Variants in ITPK1 observed in about 807,000 individuals in gnomAD.
The protein encoded by ITPK1 is inositol-tetrakisphosphate 1-kinase, also known as inositol 1,3,4-trisphosphate 5/6-kinase.
ITPK1 carries 21 observed loss-of-function variants against 45.3 expected under a neutral mutation model. That is an observed-to-expected ratio of 0.46 (90% CI 0.33 to 0.67). ITPK1 has a LOEUF of 0.67. Ranked by LOEUF, ITPK1 falls within the 30% of genes least tolerant of loss-of-function variation. The pLI is 0.02. For missense variants in ITPK1, 474 were observed against 573.5 expected, an observed-to-expected ratio of 0.83 and a Z score of 1.77; for synonymous variants, 258 against 253.6, an observed-to-expected ratio of 1.02 and a Z score of -0.16.
chr14:93,066,076 A>G (rs1223550592), intron 3 of ITPK1: 2 of 303,414 alleles, frequency 6.6e-6, no homozygotes, highest in African/African-American at 2.2e-5. Context: ...ACAAGTACAT[A>G]TTACTTAATG....
At chr14:93,025,500 C>A (rs967671024) in intron 3 of ITPK1, among the ~76,000 whole-genome samples, 1 of 152,118 alleles carries the variant, frequency 6.6e-6, no homozygotes, top group African/African-American at 2.4e-5. Flanking sequence ...TTAAATCCAC[C>A]GGGAGTTGTT....
intron 10 of ITPK1, among the ~76,000 whole-genome samples, chr14:92,943,368 G>C (rs1325446550): frequency 6.6e-6 from 1 of 152,214 alleles, no homozygotes; most frequent in East Asian, 1.9e-4. Flanking sequence ...GGCTCAAGGT[G>C]GCTCCTAAGA....
In ITPK1 at chr14:92,958,068, C is replaced by A. The variant is rs114735268; in HGVS notation, c.670+133G>T. ...TATCCACCGTACACAACTGTTTCCA[C>A]CTTTAGAGCACCTCTCCATCCCACC... is the stretch of plus-strand genomic sequence containing the variant. On this transcript the variant is annotated intron_variant, in intron 8 of 10. Transcript: ENST00000267615. The surrounding 1 kb of genome is among the most constrained non-coding windows in gnomAD (Gnocchi z 4.4). The A allele has an allele frequency of 2.1e-3, 1,714 of 822,518 alleles. 17 individuals carry two copies. The African/African-American group carries it at 0.025, about 12-fold the overall frequency. 51.0% of individuals were successfully genotyped at this position (822,518 alleles called of 1,614,324 possible). A position where few individuals can be genotyped will look rare whatever the true frequency, so the allele number is the denominator to read the frequency against.
chr14:93,088,781 G>C (rs1891754380), intron 2 of ITPK1, among the ~76,000 whole-genome samples: 2 of 152,146 alleles, frequency 1.3e-5, no homozygotes, highest in Admixed American at 1.3e-4. Flanking sequence ...ACAGATGTGA[G>C]CCACCGCGCC....
Position 93,036,181 on chromosome 14 carries a change from G to A in ITPK1, c.121-19380C>T, listed in dbSNP as rs556813916. Reference sequence around the variant, plus strand: ...CCCAAGGTCGGTAACTTCAAGAGCTGCGGGGAGCAGAGGCCACAACCGGAG... The same window carrying A: ...CCCAAGGTCGGTAACTTCAAGAGCTACGGGGAGCAGAGGCCACAACCGGAG... On this transcript the variant is annotated intron_variant, in intron 3 of 10. Transcript: ENST00000267615. This position sits in a 1 kb window ranked among gnomAD's most constrained non-coding sequence, Gnocchi z 4.1. 6.6e-6 allele frequency among the ~76,000 whole-genome samples: 1 copy of A among 152,128 alleles called. No homozygotes were observed. Among genetic ancestry groups the A allele is most frequent in the Non-Finnish European group, 1.5e-5 (1 of 68,020 alleles).
At chr14:93,115,354 AG>A in intron 1 of ITPK1, 49 bp from the exon 2 acceptor site, 1 of 230,204 alleles carries the variant, frequency 4.3e-6, no homozygotes, top group South Asian at 1.8e-4. Context: ...GGCCGGGAGG[AG>A]GGAGCGGCGC....
At chr14:92,942,018 T>C in intron 10 of ITPK1, 114 bp from the exon 11 acceptor site, 2 of 893,528 alleles carry the variant, frequency 2.2e-6, no homozygotes, top group Non-Finnish European at 3.5e-6. Context: ...GGGTGTGCTG[T>C]CAGCGTCCCA....
At chr14:93,088,235 C>T (rs925799594) in intron 2 of ITPK1, among the ~76,000 whole-genome samples, 1 of 151,878 alleles carries the variant, frequency 6.6e-6, no homozygotes, top group Non-Finnish European at 1.5e-5. Flanking sequence ...GAGGCAGTGG[C>T]GGGGCAGGAT....
At chr14:93,074,147 G>A (rs1338938636) in intron 3 of ITPK1, among the ~76,000 whole-genome samples, 3 of 152,238 alleles carry the variant, frequency 2.0e-5, no homozygotes, top group South Asian at 2.1e-4. Context: ...AGGGATGCCA[G>A]GAGGAGGTGA....
chr14:93,045,208 T>C (rs1889725462), intron 3 of ITPK1, among the ~76,000 whole-genome samples: 1 of 152,210 alleles, frequency 6.6e-6, no homozygotes, highest in Non-Finnish European at 1.5e-5. Flanking sequence ...CAGAGGCCAG[T>C]TACCCCTCTG....
rs1174895932 is a variant in ITPK1, at chr14:93,016,841, C to T, written c.121-40G>A. ...ACACAGACAAAAGCAACAACTTCAG[C>T]ACCTGAGTCCACTGCCCCCATCCTC... On this transcript the variant is annotated intron_variant, in intron 3 of 10. Transcript: ENST00000267615. The surrounding 1 kb of genome is among the most constrained non-coding windows in gnomAD (Gnocchi z 5.0). 1 of 1,607,986 alleles carries T rather than the reference C, an allele frequency of 6.2e-7. No individual in the cohort carries two copies. The highest frequency in any genetic ancestry group is 8.5e-7 in the Non-Finnish European group (1 of 1,176,584).
chr14:93,115,387 T>C (rs1407659750), intron 1 of ITPK1, 82 bp from the exon 2 acceptor site: 1 of 165,506 alleles, frequency 6.0e-6, no homozygotes, highest in African/African-American at 2.4e-5. Context: ...GGCCACTGGC[T>C]GGGCCAAGCT....
At chr14:93,083,970 C>T (rs1014424847) in intron 2 of ITPK1, among the ~76,000 whole-genome samples, 5 of 152,196 alleles carry the variant, frequency 3.3e-5, no homozygotes, top group African/African-American at 7.2e-5. Flanking sequence ...CCATCAAAGC[C>T]GGCAATTTCC....
At chr14:93,021,536 T>C (rs941238036) in intron 3 of ITPK1, among the ~76,000 whole-genome samples, 12 of 150,712 alleles carry the variant, frequency 8.0e-5, no homozygotes, top group African/African-American at 2.7e-4. Context: ...GAGGTTGCAG[T>C]GAGCCGAGAT....
intron 10 of ITPK1, among the ~76,000 whole-genome samples, chr14:92,945,559 A>G (rs3783925): frequency 0.39 from 58,853 of 152,180 alleles, 11,951 homozygotes; most frequent in East Asian, 0.79. Flanking sequence ...GGGGAATGGC[A>G]GGCACCAAGG....
Position 93,115,258 on chromosome 14 carries a change from C to G in ITPK1, c.-95G>C, listed in dbSNP as rs746298495. On this transcript the variant is annotated 5_prime_UTR_variant, in exon 2 of 11. Coordinates refer to ENST00000267615, the MANE Select transcript of ITPK1 (RefSeq NM_014216.6). ...CGCCGCGAGCGAGTGGGCACCTCCT[C>G]CCGGCGGCGGGGACGCGGAACGGGG... 43 of 780,020 alleles carry G rather than the reference C, an allele frequency of 5.5e-5. No homozygotes were observed. The South Asian group carries it at 5.9e-4, about 11-fold the overall frequency. The allele number at this position is 780,020 out of a possible 1,614,324, so 48.3% of individuals were successfully genotyped here. A position where few individuals can be genotyped will look rare whatever the true frequency, so the allele number is the denominator to read the frequency against.
At chr14:93,011,496 G>C (rs1887905858) in intron 4 of ITPK1, among the ~76,000 whole-genome samples, 1 of 152,238 alleles carries the variant, frequency 6.6e-6, no homozygotes, top group South Asian at 2.1e-4. Flanking sequence ...GTGTGGCCAA[G>C]TGTGCATTCT....
At chr14:93,103,995 G>A (rs370854038) in intron 2 of ITPK1, among the ~76,000 whole-genome samples, 23 of 152,348 alleles carry the variant, frequency 1.5e-4, no homozygotes, top group Admixed American at 4.6e-4. Context: ...TGCCTTGGGC[G>A]GGTAGGAGGG....
intron 2 of ITPK1, among the ~76,000 whole-genome samples, chr14:93,088,347 T>TG (rs961424707): frequency 4.8e-5 from 7 of 144,746 alleles, no homozygotes; most frequent in African/African-American, 1.9e-4. Flanking sequence ...TTTTGTTTTT[T>TG]TTTTTTTTTT....
Sources: gnomAD v4.1 joint callset for allele counts (sites outside exome capture counted in the v4.1 genomes callset) on GRCh38, gnomAD v4.1.1 for gene constraint, Gnocchi (gnomAD v3.1) non-coding constraint, MANE v1.5 for transcripts, NCBI Gene and HGNC (gene_info 2026-07-23, HGNC 2026-07-21) for gene names.